The following EPHA6 variants were observed in gnomAD, a reference collection of about 807,000 sequenced individuals.
EPHA6 encodes the protein ephrin type-A receptor 6.
EPHA6 carries 50 observed loss-of-function variants against 112.0 expected under a neutral mutation model. The observed-to-expected ratio is 0.45, with a 90% CI of 0.36 to 0.56. The LOEUF (loss-of-function observed/expected upper bound fraction) is 0.56, where lower values mean the gene tolerates loss of function less well. Among genes scored for constraint, EPHA6 ranks in the 20% least tolerant of loss-of-function variants. EPHA6 has a pLI of 0.00. For missense variants in EPHA6, 1,280 were observed against 1,417.4 expected (o/e 0.90, Z 1.56); for synonymous variants, 529 against 490.7 (o/e 1.08, Z -1.03).
At chr3:96,936,160 A>T (rs574238913) in intron 2 of EPHA6, among the ~76,000 whole-genome samples, 1 of 152,148 alleles carries the variant, frequency 6.6e-6, no homozygotes, top group South Asian at 2.1e-4. Context: ...GGAAAACAAC[A>T]TCTATTTTTT....
chr3:97,191,053 T>G (rs1576652567), intron 3 of EPHA6, among the ~76,000 whole-genome samples: 1 of 152,230 alleles, frequency 6.6e-6, no homozygotes, highest in East Asian at 1.9e-4. Flanking sequence ...CCCTAGCCTC[T>G]GGTAACTGCC....
At chr3:97,740,133 T>C (rs995871222) in intron 16 of EPHA6, among the ~76,000 whole-genome samples, 1 of 152,034 alleles carries the variant, frequency 6.6e-6, no homozygotes, top group African/African-American at 2.4e-5. Context: ...TGGTGACCCT[T>C]CACCCAGTCC....
chr3:97,502,349 A>G (rs112453536), intron 10 of EPHA6, among the ~76,000 whole-genome samples: 2,251 of 151,442 alleles, frequency 0.015, 24 homozygotes, highest in Non-Finnish European at 0.023. Context: ...TTGTATTTTT[A>G]GTAGAGATGG....
At chr3:96,900,421 A>T (rs2038538308) in intron 2 of EPHA6, among the ~76,000 whole-genome samples, 1 of 152,208 alleles carries the variant, frequency 6.6e-6, no homozygotes. Context: ...TAATGAATTA[A>T]ACATTATTCT....
At chr3:97,487,581 GA>G in intron 10 of EPHA6, among the ~76,000 whole-genome samples, 1 of 152,260 alleles carries the variant, frequency 6.6e-6, no homozygotes, top group Admixed American at 6.5e-5. Flanking sequence ...CTGTGCAACT[GA>G]ACCATAAAAA....
chr3:97,519,735 T>C (rs1464814879), intron 10 of EPHA6, among the ~76,000 whole-genome samples: 1 of 152,098 alleles, frequency 6.6e-6, no homozygotes, highest in African/African-American at 2.4e-5. Flanking sequence ...ATTTTATACA[T>C]TTTAGCTTTT....
chr3:97,646,455 C>A, intron 14 of EPHA6: 1 of 664,396 alleles, frequency 1.5e-6, no homozygotes, highest in Non-Finnish European at 2.3e-6. Flanking sequence ...TCTTCTTCAA[C>A]TTGAGTGTTT....
At chr3:97,238,267 A>T (rs899120966) in intron 4 of EPHA6, among the ~76,000 whole-genome samples, 4 of 151,934 alleles carry the variant, frequency 2.6e-5, no homozygotes, top group Admixed American at 1.3e-4. Context: ...TCATAATATA[A>T]ACATTCCCTT....
intron 3 of EPHA6, among the ~76,000 whole-genome samples, chr3:97,040,055 T>A (rs1468205776): frequency 5.9e-5 from 9 of 151,644 alleles, no homozygotes; most frequent in Non-Finnish European, 1.0e-4. Context: ...GAATCATACC[T>A]GCTAATTATA....
chr3:97,242,121 T>G (rs903490563), intron 4 of EPHA6, among the ~76,000 whole-genome samples: 3 of 151,670 alleles, frequency 2.0e-5, no homozygotes, highest in Non-Finnish European at 4.4e-5. Context: ...CCAGCAACCT[T>G]TTAGAAAAAA....
chr3:97,664,409 A>G (rs558649356), intron 14 of EPHA6, among the ~76,000 whole-genome samples: 1 of 152,288 alleles, frequency 6.6e-6, no homozygotes, highest in South Asian at 2.1e-4. Context: ...GAAAACTGGT[A>G]CAAGACAGGG....
At chr3:97,605,470 G>T (rs2093673919) in intron 12 of EPHA6, among the ~76,000 whole-genome samples, 1 of 151,548 alleles carries the variant, frequency 6.6e-6, no homozygotes, top group African/African-American at 2.4e-5. Flanking sequence ...TCTACATATG[G>T]CTAGCCAGTT....
At chr3:97,514,735 T>C (rs755493884) in intron 10 of EPHA6, among the ~76,000 whole-genome samples, 4 of 152,140 alleles carry the variant, frequency 2.6e-5, no homozygotes, top group African/African-American at 9.7e-5. Flanking sequence ...GATAGGATTG[T>C]TAGCCTCATA....
chr3:97,532,501 G>C lies in EPHA6; in HGVS notation c.2344G>C (p.Asp782His). 1 of 1,611,728 alleles carries C rather than the reference G, an allele frequency of 6.2e-7. No homozygotes were observed. The highest frequency in any genetic ancestry group is 8.5e-7 in the Non-Finnish European group (1 of 1,178,614). The change falls in exon 11 of 18, where the codon GAC (aspartate) becomes CAC (histidine). Residue 782 changes from aspartate to histidine, a missense_variant. Transcript: ENST00000389672. ...AGAAGCTAGTATCATGGGCCAGTTT[G>C]ACCATCCAAACATCATTCGCCTAGA... ...LREASIMGQF[D>H]HPNIIRLEGV... is the part of the protein sequence containing the mutation.
intron 5 of EPHA6, among the ~76,000 whole-genome samples, chr3:97,341,013 A>G (rs1403088684): frequency 1.3e-5 from 2 of 152,182 alleles, no homozygotes; most frequent in African/African-American, 2.4e-5. Context: ...CAGAAGTCTC[A>G]ATCCATCTTC....
intron 3 of EPHA6, among the ~76,000 whole-genome samples, chr3:97,033,620 T>G (rs1488692350): frequency 2.0e-5 from 3 of 151,962 alleles, no homozygotes; most frequent in Non-Finnish European, 4.4e-5. Context: ...TATAGAAAAT[T>G]GCACATATTC....
chr3:97,532,444 C>T lies in EPHA6; in HGVS notation c.2287C>T (p.His763Tyr). ...PVAIKTLKGG[H>Y]MDRQRRDFLR... is the part of the protein sequence containing the mutation. ...TGCCATTAAAACTTTGAAAGGTGGC[C>T]ACATGGATCGGCAAAGAAGAGATTT... Residue 763 changes from histidine to tyrosine, a missense_variant, in exon 11 of 18, where the codon CAC becomes TAC. By Grantham distance (83) the His-to-Tyr change is moderately conservative. Coordinates refer to ENST00000389672, the MANE Select transcript of EPHA6 (RefSeq NM_001080448.3). The T allele has an allele frequency of 6.2e-7, 1 of 1,612,462 alleles. No individual in the cohort carries two copies.
intron 2 of EPHA6, among the ~76,000 whole-genome samples, chr3:96,924,772 T>G (rs1055887718): frequency 9.9e-5 from 15 of 152,176 alleles, no homozygotes; most frequent in Non-Finnish European, 1.9e-4. Context: ...GGCTGTGGGC[T>G]TGTCATATAT....
chr3:97,641,690 G>C (rs1037892621), intron 14 of EPHA6, among the ~76,000 whole-genome samples: 1 of 152,212 alleles, frequency 6.6e-6, no homozygotes, highest in Non-Finnish European at 1.5e-5. Flanking sequence ...GACGCACCTG[G>C]AAAATCGGGT....
Sources: gnomAD v4.1 joint callset for allele counts (sites outside exome capture counted in the v4.1 genomes callset) on GRCh38, gnomAD v4.1.1 for gene constraint, MANE v1.5 for transcripts, NCBI Gene and HGNC (gene_info 2026-07-23, HGNC 2026-07-21) for gene names.